The following GMDS variants were observed in gnomAD, a reference collection of about 807,000 sequenced individuals.
The protein encoded by GMDS is GDP-mannose 4,6 dehydratase.
GMDS carries 20 observed loss-of-function variants against 49.9 expected under a neutral mutation model. The ratio of observed to expected loss-of-function variants is 0.40; its 90% CI spans 0.28 to 0.58. The LOEUF (loss-of-function observed/expected upper bound fraction) is 0.58, where lower values mean the gene tolerates loss of function less well. Ranked by LOEUF, GMDS falls within the 20% of genes least tolerant of loss-of-function variation. The pLI is 0.42. For missense variants in GMDS, 362 were observed against 481.4 expected, an observed-to-expected ratio of 0.75 and a Z score of 2.32; for synonymous variants, 177 against 178.6, an observed-to-expected ratio of 0.99 and a Z score of 0.07.
intron 7 of GMDS, among the ~76,000 whole-genome samples, chr6:1,773,744 G>A (rs1768678385): frequency 6.6e-6 from 1 of 152,240 alleles, no homozygotes; most frequent in Non-Finnish European, 1.5e-5. Flanking sequence ...TACCGTGGAG[G>A]TAATTATATC....
intron 9 of GMDS, among the ~76,000 whole-genome samples, chr6:1,685,223 C>G (rs1250445347): frequency 3.8e-4 from 1 of 2,630 alleles, no homozygotes; most frequent in East Asian, 4.2e-3. Context: ...ATGGTGAGAC[C>G]CCCGTCTCTA....
chr6:2,081,752 C>T (rs1370799345), intron 4 of GMDS, among the ~76,000 whole-genome samples: 1 of 152,074 alleles, frequency 6.6e-6, no homozygotes, highest in Non-Finnish European at 1.5e-5. Flanking sequence ...AGAGAATATT[C>T]ACAATGAAAA....
At chr6:2,149,852 G>C (rs1776760400) in intron 1 of GMDS, among the ~76,000 whole-genome samples, 1 of 152,126 alleles carries the variant, frequency 6.6e-6, no homozygotes, top group Non-Finnish European at 1.5e-5. Context: ...AGCCAGGATT[G>C]TGTGCATTAA....
intron 7 of GMDS, among the ~76,000 whole-genome samples, chr6:1,888,830 G>A (rs1561867064): frequency 2.0e-5 from 3 of 152,178 alleles, no homozygotes; most frequent in Non-Finnish European, 4.4e-5. Context: ...TTCTAAATGG[G>A]AGAAATTGGC....
intron 7 of GMDS, among the ~76,000 whole-genome samples, chr6:1,759,102 G>A (rs1215889831): frequency 1.3e-5 from 2 of 152,102 alleles, no homozygotes; most frequent in African/African-American, 4.8e-5. Flanking sequence ...TTTTCATCAG[G>A]ATGATGACAA....
At chr6:1,850,210 C>T (rs11963908) in intron 7 of GMDS, among the ~76,000 whole-genome samples, 3,353 of 152,266 alleles carry the variant, frequency 0.022, 119 homozygotes, top group African/African-American at 0.076. Flanking sequence ...AAGCTGCTAT[C>T]GGATGTAAAT....
intron 4 of GMDS, among the ~76,000 whole-genome samples, chr6:2,048,659 C>G (rs1052872522): frequency 6.6e-6 from 1 of 152,162 alleles, no homozygotes; most frequent in African/African-American, 2.4e-5. Flanking sequence ...CCACTGATCA[C>G]CATCATATTA....
At chr6:2,039,986 G>A (rs907503524) in intron 4 of GMDS, among the ~76,000 whole-genome samples, 14 of 152,154 alleles carry the variant, frequency 9.2e-5, no homozygotes, top group African/African-American at 2.9e-4. Flanking sequence ...AAACACCTGC[G>A]TAACATGTTG....
chr6:2,157,319 A>C (rs1168715324), intron 1 of GMDS, among the ~76,000 whole-genome samples: 1 of 152,214 alleles, frequency 6.6e-6, no homozygotes, highest in African/African-American at 2.4e-5. Flanking sequence ...AGAGACCTCC[A>C]CTAAGATAGT....
intron 4 of GMDS, among the ~76,000 whole-genome samples, chr6:2,051,326 T>C (rs1469104844): frequency 2.0e-5 from 3 of 152,228 alleles, no homozygotes; most frequent in African/African-American, 7.2e-5. Flanking sequence ...AGTTATTTGG[T>C]AGAGCAGCAG....
At chr6:2,231,500 G>A (rs184462321) in intron 1 of GMDS, among the ~76,000 whole-genome samples, 67 of 152,262 alleles carry the variant, frequency 4.4e-4, no homozygotes, top group Admixed American at 1.4e-3. Context: ...GGAGGCGGAG[G>A]TTGCAGTGAG....
intron 4 of GMDS, among the ~76,000 whole-genome samples, chr6:1,978,959 G>A (rs529809090): frequency 6.6e-6 from 1 of 152,192 alleles, no homozygotes; most frequent in Non-Finnish European, 1.5e-5. Flanking sequence ...AAAAACTGAG[G>A]CAACTAGGGT....
chr6:1,855,117 T>C (rs1453341910), intron 7 of GMDS, among the ~76,000 whole-genome samples: 1 of 152,230 alleles, frequency 6.6e-6, no homozygotes, highest in Non-Finnish European at 1.5e-5. Context: ...CTAACTCCCA[T>C]ACTTTATATG....
At chr6:1,791,736 G>C (rs1276453209) in intron 7 of GMDS, among the ~76,000 whole-genome samples, 4 of 152,120 alleles carry the variant, frequency 2.6e-5, no homozygotes, top group African/African-American at 9.7e-5. Context: ...GCATTTTGGT[G>C]TTTTTAGGAA....
chr6:1,956,601 G>A (rs1454105279), intron 6 of GMDS, among the ~76,000 whole-genome samples: 1 of 151,690 alleles, frequency 6.6e-6, no homozygotes, highest in Non-Finnish European at 1.5e-5. Context: ...GGTTTACCAA[G>A]GTTTTTCTAC....
chr6:1,755,643 C>T (rs938548996), intron 7 of GMDS, among the ~76,000 whole-genome samples: 2 of 151,932 alleles, frequency 1.3e-5, no homozygotes, highest in Non-Finnish European at 2.9e-5. Context: ...GACCACTGTA[C>T]CCAAAACAGC....
intron 4 of GMDS, among the ~76,000 whole-genome samples, chr6:2,058,113 C>A (rs1264875919): frequency 6.6e-6 from 1 of 152,106 alleles, no homozygotes; most frequent in Non-Finnish European, 1.5e-5. Flanking sequence ...AATCCCAGCA[C>A]TTTGGAAGGC....
intron 7 of GMDS, among the ~76,000 whole-genome samples, chr6:1,809,445 GTA>G (rs1406647882): frequency 2.6e-5 from 4 of 152,188 alleles, no homozygotes; most frequent in African/African-American, 4.8e-5. Context: ...GCTCATAGCT[GTA>G]AAATTGCCAA....
chr6:1,723,402 C>T (rs1766460818), intron 9 of GMDS, among the ~76,000 whole-genome samples: 1 of 145,710 alleles, frequency 6.9e-6, no homozygotes, highest in South Asian at 2.2e-4. Context: ...CCTTGGCTCA[C>T]TGAAAGCTCC....
Sources: gnomAD v4.1 joint callset for allele counts (sites outside exome capture counted in the v4.1 genomes callset) on GRCh38, gnomAD v4.1.1 for gene constraint, MANE v1.5 for transcripts, NCBI Gene and HGNC (gene_info 2026-07-23, HGNC 2026-07-21) for gene names.